BRINP3: variants seen among roughly 807,000 people sequenced by gnomAD.
BRINP3 encodes the protein BMP/retinoic acid-inducible neural-specific protein 3.
BRINP3 carries 19 observed loss-of-function variants against 71.0 expected under a neutral mutation model. The ratio of observed to expected loss-of-function variants is 0.27; its 90% CI spans 0.19 to 0.39. The LOEUF (loss-of-function observed/expected upper bound fraction) is 0.39. BRINP3 is among the 10% of genes least tolerant of loss of function. The pLI is 1.00. For synonymous variants in BRINP3, 380 were observed against 337.7 expected, an observed-to-expected ratio of 1.13 and a Z score of -1.37; for missense variants, 959 against 940.8, an observed-to-expected ratio of 1.02 and a Z score of -0.25.
chr1:190,227,385 A>G (rs1231509178), intron 5 of BRINP3, among the ~76,000 whole-genome samples: 2 of 151,836 alleles, frequency 1.3e-5, no homozygotes, highest in Non-Finnish European at 2.9e-5. Context: ...CTTAGAACTT[A>G]TATATTCGAT....
At chr1:190,382,253 T>G (rs1162937777) in intron 2 of BRINP3, among the ~76,000 whole-genome samples, 1 of 152,076 alleles carries the variant, frequency 6.6e-6, no homozygotes, top group African/African-American at 2.4e-5. Flanking sequence ...TTCTCTCAAC[T>G]TTTCCTAATT....
chr1:190,232,119 A>C (rs948384500), intron 5 of BRINP3, among the ~76,000 whole-genome samples: 3 of 151,976 alleles, frequency 2.0e-5, no homozygotes, highest in African/African-American at 7.2e-5. Context: ...ATCTATATCT[A>C]TTTATCTATC....
intron 1 of BRINP3, among the ~76,000 whole-genome samples, chr1:190,476,323 T>C (rs939782304): frequency 6.8e-6 from 1 of 147,948 alleles, no homozygotes; most frequent in Non-Finnish European, 1.5e-5. Flanking sequence ...GAAAAGGAAA[T>C]GTTGTAGAGA....
rs185510181 is a variant in BRINP3 at position 190,263,441 on chromosome 1, T to A, written c.618+1424A>T. 5.8e-4 allele frequency among the ~76,000 whole-genome samples: 88 copies of A among 152,292 alleles called. 2 individuals carry two copies. The East Asian group carries it at 0.017, about 29-fold the overall frequency. On this transcript the variant is annotated intron_variant, in intron 4 of 7. Transcript: ENST00000367462. ...TACTAGCAACATTAGGATTTTGTCA[T>A]ATTGTTTAAGTAACCCTTAAGCTAA...
chr1:190,113,218 ACTC>A (rs1253982763), intron 7 of BRINP3, among the ~76,000 whole-genome samples: 2 of 151,486 alleles, frequency 1.3e-5, no homozygotes, highest in South Asian at 2.1e-4. Context: ...TTCTTCTTCC[ACTC>A]CTCCTCATCC....
At chr1:190,327,605 C>G (rs936017464) in intron 2 of BRINP3, among the ~76,000 whole-genome samples, 2 of 151,840 alleles carry the variant, frequency 1.3e-5, no homozygotes, top group Non-Finnish European at 2.9e-5. Context: ...TTAGAATTTG[C>G]TATCTAAACA....
intron 7 of BRINP3, among the ~76,000 whole-genome samples, chr1:190,152,693 G>A (rs1007804913): frequency 2.6e-5 from 4 of 151,862 alleles, no homozygotes; most frequent in African/African-American, 9.7e-5. Context: ...TTGAGGTACC[G>A]AAGTCTATGT....
At chr1:190,129,332 G>A (rs1654344224) in intron 7 of BRINP3, among the ~76,000 whole-genome samples, 1 of 151,788 alleles carries the variant, frequency 6.6e-6, no homozygotes, top group Admixed American at 6.6e-5. Context: ...TCTTTTAAAA[G>A]TGACATGGTA....
chr1:190,145,558 A>C (rs1205659463), intron 7 of BRINP3, among the ~76,000 whole-genome samples: 1 of 152,184 alleles, frequency 6.6e-6, no homozygotes, highest in Non-Finnish European at 1.5e-5. Context: ...TAAAAATTGC[A>C]TGTCAACAAT....
chr1:190,440,655 G>A (rs76687558), intron 2 of BRINP3, among the ~76,000 whole-genome samples: 2,674 of 151,982 alleles, frequency 0.018, 48 homozygotes, highest in Middle Eastern at 0.044. Context: ...GTAAATGGTC[G>A]ATAAAAGCAT....
intron 2 of BRINP3, among the ~76,000 whole-genome samples, chr1:190,412,709 G>A (rs1672771658): frequency 2.0e-5 from 3 of 151,578 alleles, no homozygotes; most frequent in South Asian, 4.2e-4. Flanking sequence ...TGATCCGCCC[G>A]CCTCGGCCTC....
chr1:190,210,055 C>A (rs1480896873), intron 6 of BRINP3, among the ~76,000 whole-genome samples: 2 of 152,026 alleles, frequency 1.3e-5, no homozygotes, highest in African/African-American at 4.8e-5. Flanking sequence ...GGGTATACAA[C>A]ATTAGAGGAT....
intron 2 of BRINP3, among the ~76,000 whole-genome samples, chr1:190,423,113 T>C (rs1206030548): frequency 1.3e-5 from 2 of 151,756 alleles, no homozygotes; most frequent in Admixed American, 1.3e-4. Flanking sequence ...AGATGAGCAA[T>C]ACTTTATGTT....
At chr1:190,372,890 T>G (rs1025233218) in intron 2 of BRINP3, among the ~76,000 whole-genome samples, 1 of 151,988 alleles carries the variant, frequency 6.6e-6, no homozygotes, top group Non-Finnish European at 1.5e-5. Context: ...TGTAGTAATA[T>G]CAACAAAAAA....
chr1:190,218,133 G>A (rs535417901), intron 6 of BRINP3, among the ~76,000 whole-genome samples: 3 of 151,262 alleles, frequency 2.0e-5, no homozygotes, highest in Non-Finnish European at 3.0e-5. Context: ...CCATATAGCC[G>A]GGCTCCTAGA....
chr1:190,154,068 C>A, intron 7 of BRINP3: 1 of 962,566 alleles, frequency 1.0e-6, no homozygotes, highest in Non-Finnish European at 1.2e-6. Context: ...CAAGTTTTTT[C>A]AGTTATGATT....
In BRINP3 at chr1:190,234,412, A is replaced by G. The variant is rs2102739691; in HGVS notation, c.684T>C (p.Ser228=). The part of the protein sequence containing the change: ...SNYDNLDSVS[S]VLVQSPENKI... The stretch of plus-strand genomic sequence containing the variant: ...TATTCTCAGGACTCTGAACCAGAAC[A>G]GAACTGACAGAATCTAGGTTGTCAT... Residue 228 remains serine, a synonymous_variant, in exon 5 of 8, where the codon TCT becomes TCC. Coordinates refer to ENST00000367462, the MANE Select transcript of BRINP3 (RefSeq NM_199051.3). 1 of 1,613,102 alleles carries G rather than the reference A, an allele frequency of 6.2e-7. No individual in the cohort carries two copies. Among genetic ancestry groups the G allele is most frequent in the Non-Finnish European group, 8.5e-7 (1 of 1,179,348 alleles).
At chr1:190,437,500 A>C (rs1280945727) in intron 2 of BRINP3, among the ~76,000 whole-genome samples, 1 of 151,766 alleles carries the variant, frequency 6.6e-6, no homozygotes, top group Non-Finnish European at 1.5e-5. Flanking sequence ...CATTGCCCAC[A>C]TTAATAAATC....
At chr1:190,252,488 A>G (rs143549318) in intron 4 of BRINP3, among the ~76,000 whole-genome samples, 1 of 152,174 alleles carries the variant, frequency 6.6e-6, no homozygotes, top group East Asian at 1.9e-4. Context: ...ATTAAGGCCT[A>G]TTGAGGATTC....
Sources: allele counts gnomAD v4.1 joint callset (sites outside exome capture counted in the v4.1 genomes callset), GRCh38; gene constraint gnomAD v4.1.1; transcripts MANE v1.5; gene names NCBI Gene and HGNC (gene_info 2026-07-23, HGNC 2026-07-21).